PTPRD: variants seen among roughly 807,000 people sequenced by gnomAD.
The protein encoded by PTPRD is protein tyrosine phosphatase receptor type D, also known as receptor-type tyrosine-protein phosphatase delta.
Under a neutral mutation model 214.5 loss-of-function variants are expected in PTPRD, and 34 were observed. The ratio of observed to expected loss-of-function variants is 0.16; its 90% CI spans 0.12 to 0.21. PTPRD has a LOEUF of 0.21. Among genes scored for constraint, PTPRD ranks in the 10% least tolerant of loss-of-function variants. The pLI, the probability that PTPRD is intolerant of heterozygous loss-of-function variation, is 1.00. For synonymous variants in PTPRD, 1,128 were observed against 845.7 expected, an observed-to-expected ratio of 1.33 and a Z score of -5.79; for missense variants, 2,545 against 2,398.7, an observed-to-expected ratio of 1.06 and a Z score of -1.27.
At chr9:8,479,752 A>T (rs934482801) in intron 30 of PTPRD, among the ~76,000 whole-genome samples, 1 of 152,238 alleles carries the variant, frequency 6.6e-6, no homozygotes, top group African/African-American at 2.4e-5. Flanking sequence ...ATTGAAAACT[A>T]AATTAATAGT....
chr9:10,441,694 A>C (rs2154523456), intron 2 of PTPRD, among the ~76,000 whole-genome samples: 1 of 151,838 alleles, frequency 6.6e-6, no homozygotes, highest in East Asian at 1.9e-4. Flanking sequence ...TATTTTAAAT[A>C]TCTTTGCAAT....
chr9:9,291,454 T>C (rs568922048), intron 9 of PTPRD, among the ~76,000 whole-genome samples: 3 of 151,430 alleles, frequency 2.0e-5, no homozygotes, highest in East Asian at 2.0e-4. Flanking sequence ...CTGCAAAACA[T>C]CTTAACCTTT....
chr9:9,327,590 T>C (rs1569567404), intron 9 of PTPRD, among the ~76,000 whole-genome samples: 2 of 152,280 alleles, frequency 1.3e-5, no homozygotes, highest in East Asian at 1.9e-4. Context: ...TAACATCTTG[T>C]ATTCACTGAA....
chr9:10,567,942 A>G (rs116961852), intron 2 of PTPRD, among the ~76,000 whole-genome samples: 21,196 of 148,434 alleles, frequency 0.14, 1,739 homozygotes, highest in Non-Finnish European at 0.2. Context: ...TTTATTTTTT[A>G]TTTTATTTAT....
intron 2 of PTPRD, among the ~76,000 whole-genome samples, chr9:10,533,958 AT>A (rs1330607418): frequency 2.0e-5 from 3 of 151,234 alleles, no homozygotes; most frequent in Non-Finnish European, 4.4e-5. Flanking sequence ...TTTGTAGCCT[AT>A]TTTTTTCTAA....
chr9:8,609,549 C>T (rs1470944144), intron 14 of PTPRD, among the ~76,000 whole-genome samples: 6 of 152,176 alleles, frequency 3.9e-5, no homozygotes, highest in Non-Finnish European at 7.3e-5. Context: ...GCTTGTGTTA[C>T]CATGTGAAGA....
In PTPRD at chr9:10,503,513, A is replaced by G. The variant is rs565427185; in HGVS notation, c.-600+108885T>C. 9.5e-4 allele frequency among the ~76,000 whole-genome samples: 145 copies of G among 152,202 alleles called. 2 individuals carry two copies. Among genetic ancestry groups the G allele is most frequent in the South Asian group, 3.1e-3 (15 of 4,832 alleles). The stretch of plus-strand genomic sequence containing the variant: ...GATTTAAAATGTTTAATTGGAGAAG[A>G]GAGGGGCAGGATATATAGAAAAAGA... On this transcript the variant is annotated intron_variant, in intron 2 of 45. Coordinates refer to ENST00000381196, the MANE Select transcript of PTPRD (RefSeq NM_002839.4).
At chr9:8,502,275 C>A (rs540350581) in intron 23 of PTPRD, among the ~76,000 whole-genome samples, 1 of 152,206 alleles carries the variant, frequency 6.6e-6, no homozygotes, top group Non-Finnish European at 1.5e-5. Context: ...CAAGTCCATA[C>A]ACACACGCAT....
intron 3 of PTPRD, among the ~76,000 whole-genome samples, chr9:10,311,106 A>G (rs2096255561): frequency 1.3e-5 from 2 of 151,600 alleles, no homozygotes; most frequent in African/African-American, 4.8e-5. Flanking sequence ...TTTTTATTTT[A>G]CTTATGCTTT....
At chr9:8,641,982 C>G (rs1273730716) in intron 12 of PTPRD, among the ~76,000 whole-genome samples, 4 of 152,156 alleles carry the variant, frequency 2.6e-5, no homozygotes, top group Non-Finnish European at 5.9e-5. Context: ...CTGTCCTTAA[C>G]AAACTGCCGT....
chr9:9,124,436 C>A (rs757333524), intron 10 of PTPRD, among the ~76,000 whole-genome samples: 1 of 152,024 alleles, frequency 6.6e-6, no homozygotes, highest in South Asian at 2.1e-4. Context: ...TTTACTGATG[C>A]ATTTCTAATA....
intron 2 of PTPRD, among the ~76,000 whole-genome samples, chr9:10,583,576 T>C (rs1476328253): frequency 6.6e-6 from 1 of 151,788 alleles, no homozygotes; most frequent in Non-Finnish European, 1.5e-5. Flanking sequence ...CTCAGCCTCC[T>C]GAGTAGCTGG....
At chr9:9,910,212 T>G (rs2078802474) in intron 5 of PTPRD, among the ~76,000 whole-genome samples, 1 of 152,014 alleles carries the variant, frequency 6.6e-6, no homozygotes, top group African/African-American at 2.4e-5. Flanking sequence ...GAATAAATGT[T>G]AAGCTGATGA....
chr9:9,642,431 A>T (rs2095998416), intron 7 of PTPRD, among the ~76,000 whole-genome samples: 4 of 152,196 alleles, frequency 2.6e-5, no homozygotes. Flanking sequence ...AAATAAGTTA[A>T]TCACTTATGT....
At chr9:9,028,545 A>G (rs1040895368) in intron 10 of PTPRD, among the ~76,000 whole-genome samples, 1 of 152,004 alleles carries the variant, frequency 6.6e-6, no homozygotes, top group South Asian at 2.1e-4. Flanking sequence ...GATATGTAAG[A>G]CTTGATTAAT....
rs111437059 is a variant in PTPRD at position 9,113,266 on chromosome 9, T to G, written c.-143+70038A>C. On this transcript the variant is annotated intron_variant, in intron 10 of 45. Transcript: ENST00000381196. ...CTACAATTACAAGTGTGAGCCACCA[T>G]GCCCAGCCATACTTCATTTTTATAC... Among the ~76,000 whole-genome samples the G allele has an allele frequency of 8.4e-3, 1,275 of 152,246 alleles. 13 individuals are homozygous for G. The highest frequency in any genetic ancestry group is 0.028 in the African/African-American group (1,167 of 41,550).
In PTPRD at chr9:9,471,623, A is replaced by G. The variant is rs543534756; in HGVS notation, c.-236-74141T>C. ...TTATTATGTTTTTGTATTCCTGATCAAGTTTTCTAATCTTACTATATTTTG... is the reference window on the plus strand; with the variant it reads ...TTATTATGTTTTTGTATTCCTGATCGAGTTTTCTAATCTTACTATATTTTG... On this transcript the variant is annotated intron_variant, in intron 8 of 45. Transcript: ENST00000381196. Among the ~76,000 whole-genome samples, 22 of 152,280 alleles carry G rather than the reference A, an allele frequency of 1.4e-4. No homozygotes were observed. In the South Asian group the frequency reaches 4.6e-3, roughly 32 times the overall value.
At chr9:8,714,635 C>T (rs528544023) in intron 12 of PTPRD, among the ~76,000 whole-genome samples, 1 of 152,286 alleles carries the variant, frequency 6.6e-6, no homozygotes, top group African/African-American at 2.4e-5. Flanking sequence ...GGTCTTTGGA[C>T]TGGCTGTTTT....
chr9:9,404,241 T>G (rs1311634597), intron 8 of PTPRD, among the ~76,000 whole-genome samples: 1 of 152,072 alleles, frequency 6.6e-6, no homozygotes, highest in African/African-American at 2.4e-5. Flanking sequence ...CATTATGGTT[T>G]TGTCTTAAAC....
Sources: gnomAD v4.1 joint callset for allele counts (sites outside exome capture counted in the v4.1 genomes callset) on GRCh38, gnomAD v4.1.1 for gene constraint, MANE v1.5 for transcripts, NCBI Gene and HGNC (gene_info 2026-07-23, HGNC 2026-07-21) for gene names.